The following SMOC1 variants were observed in gnomAD, a reference collection of about 807,000 sequenced individuals.
SMOC1 encodes SPARC-related modular calcium-binding protein 1.
In SMOC1, 22 loss-of-function variants were observed where a neutral mutation model predicts 56.3. The observed-to-expected ratio is 0.39, with a 90% CI of 0.28 to 0.56. The LOEUF (loss-of-function observed/expected upper bound fraction) is 0.56, where lower values mean the gene tolerates loss of function less well. SMOC1 is among the 20% of genes least tolerant of loss of function. The pLI, the probability that SMOC1 is intolerant of heterozygous loss-of-function variation, is 0.61. For synonymous variants in SMOC1, 193 were observed against 215.0 expected (o/e 0.90, Z 0.89); for missense variants, 509 against 565.4 (o/e 0.90, Z 1.01).
Position 69,969,277 on chromosome 14 carries a change from C to G in SMOC1, c.379-6438C>G, listed in dbSNP as rs149038821. On this transcript the variant is annotated intron_variant, in intron 3 of 11. Coordinates refer to ENST00000361956, the MANE Select transcript of SMOC1 (RefSeq NM_001034852.3). Reference sequence around the variant, plus strand: ...ATTCTTGCGTTGCTATAAAGAAATACTGGAGACTGGGTAATTTATAAAGAA... The same window carrying G: ...ATTCTTGCGTTGCTATAAAGAAATAGTGGAGACTGGGTAATTTATAAAGAA... Among the ~76,000 whole-genome samples, 379 of 152,228 alleles carry G rather than the reference C, an allele frequency of 2.5e-3. 4 individuals carry two copies. Among genetic ancestry groups the G allele is most frequent in the African/African-American group, 8.8e-3 (365 of 41,530 alleles).
rs762758718 is a variant in SMOC1 at position 69,879,760 on chromosome 14, C to G, written c.82C>G (p.Arg28Gly). 11 of 1,591,698 alleles carry G rather than the reference C, an allele frequency of 6.9e-6. No individual in the cohort carries two copies. Among genetic ancestry groups the G allele is most frequent in the Non-Finnish European group, 9.4e-6 (11 of 1,175,984 alleles). ...LVQLSPARGHRTTGPRFLISD... is the reference protein window; with the variant it reads ...LVQLSPARGHGTTGPRFLISD... ...GCAGCTGTCCCCTGCTCGCGGCCAC[C>G]GCACCACAGGCCCCAGGGTAAGTGC... Residue 28 changes from arginine (R) to glycine (G), a missense_variant, in exon 1 of 12, where the codon CGC becomes GGC. Coordinates refer to ENST00000361956, the MANE Select transcript of SMOC1 (RefSeq NM_001034852.3).
intron 1 of SMOC1, among the ~76,000 whole-genome samples, chr14:69,911,977 A>G (rs1884567258): frequency 6.6e-6 from 1 of 152,186 alleles, no homozygotes; most frequent in South Asian, 2.1e-4. Flanking sequence ...CCATCCATGT[A>G]TGAGGGGTCT....
intron 5 of SMOC1, among the ~76,000 whole-genome samples, chr14:69,983,898 G>A (rs1425446857): frequency 2.6e-5 from 4 of 152,222 alleles, no homozygotes; most frequent in East Asian, 1.9e-4. Context: ...GGTAAAGGCC[G>A]AGGAACTGTC....
chr14:70,013,610 T>C, intron 10 of SMOC1, 119 bp downstream of exon 10: 1 of 861,964 alleles, frequency 1.2e-6, no homozygotes, highest in Non-Finnish European at 1.9e-6. Flanking sequence ...TGGAAGTTGA[T>C]CTTTTTCCTG....
chr14:69,928,504 A>G (rs1403601174), intron 1 of SMOC1, among the ~76,000 whole-genome samples: 1 of 152,118 alleles, frequency 6.6e-6, no homozygotes, highest in African/African-American at 2.4e-5. Flanking sequence ...ACAGCTTTAT[A>G]GCTGGATTTG....
chr14:69,881,742 C>A (rs1883645926), intron 1 of SMOC1, among the ~76,000 whole-genome samples: 1 of 152,096 alleles, frequency 6.6e-6, no homozygotes, highest in Non-Finnish European at 1.5e-5. Flanking sequence ...AAGGTGCTGT[C>A]TCGAGCATGT....
chr14:69,920,659 A>C (rs227433), intron 1 of SMOC1, among the ~76,000 whole-genome samples: 44,015 of 152,074 alleles, frequency 0.29, 7,708 homozygotes, highest in East Asian at 0.66. Context: ...TGGAGTTTAC[A>C]GTCTGGTGGG....
intron 1 of SMOC1, among the ~76,000 whole-genome samples, chr14:69,903,187 G>A (rs1194713971): frequency 6.6e-6 from 1 of 151,354 alleles, no homozygotes; most frequent in Middle Eastern, 3.2e-3. Flanking sequence ...GTCTCTGCCC[G>A]GCCACCCATC....
chr14:69,938,920 C>T (rs1324546290), intron 1 of SMOC1, among the ~76,000 whole-genome samples: 2 of 152,198 alleles, frequency 1.3e-5, no homozygotes, highest in Non-Finnish European at 2.9e-5. Flanking sequence ...GCCCTCCAAA[C>T]GATGACTTCC....
chr14:70,010,173 C>T (rs755391781), intron 7 of SMOC1, among the ~76,000 whole-genome samples: 4 of 152,198 alleles, frequency 2.6e-5, no homozygotes, highest in Non-Finnish European at 5.9e-5. Context: ...GAAATTCACT[C>T]GGCCTACTTT....
At chr14:69,982,151 T>G (rs1231039941) in intron 5 of SMOC1, among the ~76,000 whole-genome samples, 1 of 152,190 alleles carries the variant, frequency 6.6e-6, no homozygotes, top group Non-Finnish European at 1.5e-5. Context: ...GTTTGCATTT[T>G]TCCCATAAGA....
At chr14:69,935,520 C>A (rs184937663) in intron 1 of SMOC1, among the ~76,000 whole-genome samples, 1 of 152,322 alleles carries the variant, frequency 6.6e-6, no homozygotes, top group African/African-American at 2.4e-5. Flanking sequence ...CTGTGGCCTC[C>A]CGAGCCCCTC....
intron 1 of SMOC1, among the ~76,000 whole-genome samples, chr14:69,912,618 G>C (rs949370383): frequency 2.0e-5 from 3 of 152,178 alleles, no homozygotes; most frequent in Non-Finnish European, 4.4e-5. Context: ...GGTGATAGGT[G>C]GCCAGGGACC....
At chr14:69,913,696 C>T (rs919191686) in intron 1 of SMOC1, among the ~76,000 whole-genome samples, 10 of 152,110 alleles carry the variant, frequency 6.6e-5, no homozygotes, top group Admixed American at 3.3e-4. Context: ...TTTGTTGATC[C>T]GATTTTGCTC....
At chr14:69,923,264 C>T (rs1389572986) in intron 1 of SMOC1, among the ~76,000 whole-genome samples, 1 of 152,162 alleles carries the variant, frequency 6.6e-6, no homozygotes, top group Non-Finnish European at 1.5e-5. Flanking sequence ...TTACTGTGCA[C>T]CCTCCATACA....
At chr14:69,895,867 C>T (rs200774193) in intron 1 of SMOC1, among the ~76,000 whole-genome samples, 12 of 122,800 alleles carry the variant, frequency 9.8e-5, no homozygotes, top group African/African-American at 1.7e-4. Flanking sequence ...CTCTTTTTTT[C>T]TTTTTTTTTT....
At chr14:69,974,968 A>G (rs997886947) in intron 3 of SMOC1, among the ~76,000 whole-genome samples, 2 of 152,130 alleles carry the variant, frequency 1.3e-5, no homozygotes, top group African/African-American at 4.8e-5. Context: ...AAAGCTTACC[A>G]CTTGTCTCTG....
chr14:69,887,184 T>C (rs533341734), intron 1 of SMOC1, among the ~76,000 whole-genome samples: 25 of 152,202 alleles, frequency 1.6e-4, no homozygotes, highest in African/African-American at 6.0e-4. Context: ...TATGGATAAA[T>C]CTTGGCAATA....
At chr14:69,963,982 T>A (rs1156668437) in intron 3 of SMOC1, among the ~76,000 whole-genome samples, 1 of 152,178 alleles carries the variant, frequency 6.6e-6, no homozygotes, top group Non-Finnish European at 1.5e-5. Context: ...GCACGCTTTG[T>A]GCTCAGAACA....
Sources: allele counts gnomAD v4.1 joint callset (sites outside exome capture counted in the v4.1 genomes callset), GRCh38; gene constraint gnomAD v4.1.1; transcripts MANE v1.5; gene names NCBI Gene and HGNC (gene_info 2026-07-23, HGNC 2026-07-21).